ZNF385D: variants seen among roughly 807,000 people sequenced by gnomAD.
The protein encoded by ZNF385D is zinc finger protein 659.
A neutral mutation model predicts 35.8 loss-of-function variants in ZNF385D; 15 were observed. The observed-to-expected ratio is 0.42, with a 90% confidence interval of 0.28 to 0.64. The LOEUF is 0.64. Among genes scored for constraint, ZNF385D ranks in the 30% least tolerant of loss-of-function variants. ZNF385D has a pLI of 0.23. For synonymous variants in ZNF385D, 212 were observed against 186.8 expected (o/e 1.13, Z -1.10); for missense variants, 474 against 494.6 (o/e 0.96, Z 0.39).
intron 3 of ZNF385D, among the ~76,000 whole-genome samples, chr3:22,092,894 T>C (rs1701405757): frequency 6.6e-6 from 1 of 152,202 alleles, no homozygotes; most frequent in Non-Finnish European, 1.5e-5. Context: ...TTTAGTTCTC[T>C]ATTATTTATA....
intron 3 of ZNF385D, among the ~76,000 whole-genome samples, chr3:22,038,298 T>C (rs1194886947): frequency 1.3e-5 from 2 of 152,174 alleles, no homozygotes; most frequent in South Asian, 2.1e-4. Context: ...AAACTATAAA[T>C]TGGGACTACT....
chr3:21,826,404 C>T (rs1036970259), intron 3 of ZNF385D, among the ~76,000 whole-genome samples: 1 of 152,142 alleles, frequency 6.6e-6, no homozygotes, highest in Non-Finnish European at 1.5e-5. Flanking sequence ...GCCCTTATTT[C>T]ACTGGTCCAA....
At chr3:22,048,520 G>A (rs754286157) in intron 3 of ZNF385D, among the ~76,000 whole-genome samples, 1 of 152,126 alleles carries the variant, frequency 6.6e-6, no homozygotes, top group Non-Finnish European at 1.5e-5. Context: ...CCTGTTGTGT[G>A]TTCTGGACAT....
intron 3 of ZNF385D, among the ~76,000 whole-genome samples, chr3:22,155,672 G>A (rs1022936096): frequency 1.3e-5 from 2 of 151,950 alleles, no homozygotes; most frequent in African/African-American, 2.4e-5. Flanking sequence ...TTAATAAAGA[G>A]AACATGTCCC....
At chr3:21,672,572 A>C (rs2066608874) in intron 1 of ZNF385D, among the ~76,000 whole-genome samples, 1 of 152,110 alleles carries the variant, frequency 6.6e-6, no homozygotes, top group Non-Finnish European at 1.5e-5. Context: ...ATTCAAAAAC[A>C]TTTGCCCATG....
intron 3 of ZNF385D, among the ~76,000 whole-genome samples, chr3:21,862,395 G>A (rs575999319): frequency 6.6e-6 from 1 of 151,556 alleles, no homozygotes; most frequent in Admixed American, 6.6e-5. Context: ...AGCATGGAAT[G>A]TCGACCAGCC....
chr3:21,590,634 A>T (rs1175986731), intron 2 of ZNF385D, among the ~76,000 whole-genome samples: 1 of 152,120 alleles, frequency 6.6e-6, no homozygotes, highest in Non-Finnish European at 1.5e-5. Flanking sequence ...GTATAGTCAC[A>T]ATTAACAAAG....
At chr3:22,180,924 T>G (rs1269486936) in intron 2 of ZNF385D, among the ~76,000 whole-genome samples, 5 of 147,476 alleles carry the variant, frequency 3.4e-5, no homozygotes, top group Non-Finnish European at 7.4e-5. Context: ...CTTTTTTTTT[T>G]TTTTTTAAGA....
chr3:21,432,160 T>A (rs1375169855), intron 5 of ZNF385D, among the ~76,000 whole-genome samples: 1 of 152,158 alleles, frequency 6.6e-6, no homozygotes, highest in East Asian at 1.9e-4. Flanking sequence ...AATGTCCTCA[T>A]TTATTTTGAA....
intron 3 of ZNF385D, among the ~76,000 whole-genome samples, chr3:22,049,559 TA>T (rs1478717631): frequency 6.6e-5 from 10 of 152,146 alleles, no homozygotes; most frequent in African/African-American, 2.4e-4. Flanking sequence ...CTATGTTTAT[TA>T]AAAGTGCCAA....
Position 21,621,865 on chromosome 3 carries a change from CTGTGTG to C in ZNF385D, c.165+43015_165+43020del, listed in dbSNP as rs10580512. On this transcript the variant is annotated intron_variant, in intron 2 of 7. Coordinates refer to ENST00000281523, the MANE Select transcript of ZNF385D (RefSeq NM_024697.3). Reference sequence around the variant, plus strand: ...AAGTGTTCCTTCCAACCTGTTACCACTGTGTGTGTGTGTGTGTGTGTGTGTGTGTGC... The same window carrying C: ...AAGTGTTCCTTCCAACCTGTTACCACTGTGTGTGTGTGTGTGTGTGTGTGC... Among the ~76,000 whole-genome samples the C allele has an allele frequency of 2.9e-3, 417 of 146,216 alleles. 2 individuals carry two copies. The highest frequency in any genetic ancestry group is 7.3e-3 in the Middle Eastern group (2 of 274).
chr3:22,154,908 T>C (rs12163604), intron 3 of ZNF385D, among the ~76,000 whole-genome samples: 33,015 of 152,080 alleles, frequency 0.22, 3,835 homozygotes, highest in East Asian at 0.43. Context: ...AAAAGGAGCA[T>C]GATATTATAC....
At chr3:22,220,066 T>C (rs1394082618) in intron 2 of ZNF385D, among the ~76,000 whole-genome samples, 1 of 151,860 alleles carries the variant, frequency 6.6e-6, no homozygotes, top group Non-Finnish European at 1.5e-5. Flanking sequence ...CTTCCTTTTT[T>C]TTTTTTCTTT....
At chr3:21,848,604 A>T (rs1240982460) in intron 3 of ZNF385D, among the ~76,000 whole-genome samples, 1 of 152,078 alleles carries the variant, frequency 6.6e-6, no homozygotes, top group Non-Finnish European at 1.5e-5. Flanking sequence ...ACTAATGTGA[A>T]TGATTACACA....
chr3:22,353,900 T>C (rs540077468), intron 2 of ZNF385D, among the ~76,000 whole-genome samples: 1 of 152,206 alleles, frequency 6.6e-6, no homozygotes, highest in South Asian at 2.1e-4. Context: ...ACTGAAATCA[T>C]TGTTGATCTC....
intron 2 of ZNF385D, among the ~76,000 whole-genome samples, chr3:22,169,721 A>T (rs1223032909): frequency 2.0e-5 from 3 of 152,206 alleles, no homozygotes; most frequent in Admixed American, 6.5e-5. Flanking sequence ...ACTTCTGGAT[A>T]AATGTACGCT....
At chr3:21,935,744 T>C (rs1196652046) in intron 3 of ZNF385D, among the ~76,000 whole-genome samples, 1 of 23,364 alleles carries the variant, frequency 4.3e-5, no homozygotes, top group Non-Finnish European at 7.5e-5. Context: ...GCAGAGTAGA[T>C]ACAACACTGG....
chr3:21,601,346 TC>T (rs150200621), intron 2 of ZNF385D, among the ~76,000 whole-genome samples: 4,484 of 152,236 alleles, frequency 0.029, 203 homozygotes, highest in African/African-American at 0.1. Flanking sequence ...CAGTCAAAAC[TC>T]CAGCTAATGA....
intron 2 of ZNF385D, among the ~76,000 whole-genome samples, chr3:22,266,980 C>A (rs1700928101): frequency 1.3e-5 from 2 of 151,860 alleles, no homozygotes; most frequent in African/African-American, 4.8e-5. Flanking sequence ...TGCTTTGATA[C>A]AATATTCCCA....
Sources: allele counts gnomAD v4.1 joint callset (sites outside exome capture counted in the v4.1 genomes callset), GRCh38; gene constraint gnomAD v4.1.1; transcripts MANE v1.5; gene names NCBI Gene and HGNC (gene_info 2026-07-23, HGNC 2026-07-21).